Variants in ZBTB47 observed in about 807,000 individuals in gnomAD.
ZBTB47 encodes zinc finger and BTB domain containing 47.
Under a neutral mutation model 56.6 loss-of-function variants are expected in ZBTB47, and 24 were observed. That is an observed-to-expected ratio of 0.42 (90% CI 0.31 to 0.60). ZBTB47 has a LOEUF of 0.60. Among genes scored for constraint, ZBTB47 ranks in the 20% least tolerant of loss-of-function variants. The pLI is 0.14. For synonymous variants in ZBTB47, 414 were observed against 418.9 expected (o/e 0.99, Z 0.14); for missense variants, 829 against 1,032.6 (o/e 0.80, Z 2.70).
chr3:42,667,427 C>T lies in ZBTB47; in HGVS notation c.*2829C>T, dbSNP rs1259080946. ...GCCATAGTCTCCACGGTGCCCTTCA[C>T]AGAGGGCTTGGTAGTGGCAGAATGG... On this transcript the variant is annotated 3_prime_UTR_variant, in exon 6 of 6. Coordinates refer to ENST00000232974, the MANE Select transcript of ZBTB47 (RefSeq NM_145166.4). 6.6e-6 allele frequency among the ~76,000 whole-genome samples: 1 copy of T among 152,214 alleles called. No individual in the cohort carries two copies. The highest frequency in any genetic ancestry group is 1.5e-5 in the Non-Finnish European group (1 of 68,036).
chr3:42,660,437 G>A (rs1283209447), intron 2 of ZBTB47, among the ~76,000 whole-genome samples: 1 of 152,186 alleles, frequency 6.6e-6, no homozygotes, highest in Non-Finnish European at 1.5e-5. Flanking sequence ...AAAGGGATTG[G>A]GTGAGAAATT....
In ZBTB47 at chr3:42,666,109, TG is replaced by T. The variant is rs1299305928; in HGVS notation, c.*1515del. Among the ~76,000 whole-genome samples, 1 of 152,196 alleles carries T rather than the reference TG, an allele frequency of 6.6e-6. No individual in the cohort carries two copies. The highest frequency in any genetic ancestry group is 1.5e-5 in the Non-Finnish European group (1 of 68,010). On this transcript the variant is annotated 3_prime_UTR_variant, in exon 6 of 6. Coordinates refer to ENST00000232974, the MANE Select transcript of ZBTB47 (RefSeq NM_145166.4). ...GGCCCATGGCACTGGGGCAGGGAGC[TG>T]GGGACATTTTAATCATCAATAAACG...
In ZBTB47 at chr3:42,656,541, G is replaced by T. The variant is rs1292137292; in HGVS notation, c.-81-1734G>T. On this transcript the variant is annotated intron_variant, in intron 1 of 5. Transcript: ENST00000232974. This position sits in a 1 kb window ranked among gnomAD's most constrained non-coding sequence, Gnocchi z 5.8. ...AGCCTGGGACAGAGGGAGATGGATG[G>T]CTTCTTGGCTGGGGTAAGGGGTGTA... 6.6e-6 allele frequency among the ~76,000 whole-genome samples: 1 copy of T among 152,174 alleles called. No individual in the cohort carries two copies. The highest frequency in any genetic ancestry group is 6.5e-5 in the Admixed American group (1 of 15,284).
rs888636479 is a variant in ZBTB47 at position 42,665,140 on chromosome 3, G to C, written c.*542G>C. ...GAGGTGTAGACCCAGTCTGAGAGCC[G>C]CAAGCACTGAGGCAGGGCCTGAGAC... is the stretch of plus-strand genomic sequence containing the variant. On this transcript the variant is annotated 3_prime_UTR_variant, in exon 6 of 6. Coordinates refer to ENST00000232974, the MANE Select transcript of ZBTB47 (RefSeq NM_145166.4). 1 of 152,496 alleles carries C rather than the reference G, an allele frequency of 6.6e-6. No individual in the cohort carries two copies. The highest frequency in any genetic ancestry group is 1.5e-5 in the Non-Finnish European group (1 of 68,274). The allele number at this position is 152,496 out of a possible 1,614,324, so 9.4% of individuals were successfully genotyped here.
chr3:42,657,958 GTC>G (rs2125836572), intron 1 of ZBTB47, among the ~76,000 whole-genome samples: 1 of 152,288 alleles, frequency 6.6e-6, no homozygotes, highest in South Asian at 2.1e-4. Flanking sequence ...GGTCACTGTG[GTC>G]TCTCTTTCAT....
Position 42,663,141 on chromosome 3 carries a change from T to C in ZBTB47, c.1737+14T>C. 6.2e-7 allele frequency: 1 copy of C among 1,601,528 alleles called. No homozygotes were observed. The highest frequency in any genetic ancestry group is 8.6e-7 in the Non-Finnish European group (1 of 1,168,890). On this transcript the variant is annotated intron_variant, in intron 4 of 5. Coordinates refer to ENST00000232974, the MANE Select transcript of ZBTB47 (RefSeq NM_145166.4). This position sits in a 1 kb window ranked among gnomAD's most constrained non-coding sequence, Gnocchi z 5.1. Reference sequence around the variant, plus strand: ...TTCAGATGTGAGGTGAGCTTCCATCTCCTGCCTGGCCTGCCCGAGGGGTCA... The same window carrying C: ...TTCAGATGTGAGGTGAGCTTCCATCCCCTGCCTGGCCTGCCCGAGGGGTCA...
Position 42,654,820 on chromosome 3 carries a change from G to C in ZBTB47, c.-82+937G>C. On this transcript the variant is annotated intron_variant, in intron 1 of 5. Transcript: ENST00000232974. This position sits in a 1 kb window ranked among gnomAD's most constrained non-coding sequence, Gnocchi z 5.0. ...ATCTTCCCCCCTCCCCCGGTCTCCC[G>C]GCTCCATCTGCTGGGTCCCGCGGGC... The C allele has an allele frequency of 1.9e-6, 1 of 523,986 alleles. No homozygotes were observed. Among genetic ancestry groups the C allele is most frequent in the Non-Finnish European group, 2.5e-6 (1 of 407,992 alleles). The allele number at this position is 523,986 out of a possible 1,614,324, so 32.5% of individuals were successfully genotyped here. A position where few individuals can be genotyped will look rare whatever the true frequency, so the allele number is the denominator to read the frequency against.
intron 1 of ZBTB47, among the ~76,000 whole-genome samples, chr3:42,657,172 G>T (rs1710648719): frequency 6.6e-6 from 1 of 152,206 alleles, no homozygotes; most frequent in Admixed American, 6.5e-5. Context: ...TAGAGCCGGG[G>T]TGACTGAGTT....
Position 42,664,774 on chromosome 3 carries a change from GC to G in ZBTB47, c.*180del. 2 of 652,636 alleles carry G rather than the reference GC, an allele frequency of 3.1e-6. No individual in the cohort carries two copies. Among genetic ancestry groups the G allele is most frequent in the African/African-American group, 1.9e-5 (1 of 52,434 alleles). 40.4% of individuals were successfully genotyped at this position (652,636 alleles called of 1,614,324 possible). ...CGAGGAGGGGTATGCAGGCTGGCAG[GC>G]CCCAGAGCTGGTGGAGGGCATCTCA... On this transcript the variant is annotated 3_prime_UTR_variant, in exon 6 of 6. Coordinates refer to ENST00000232974, the MANE Select transcript of ZBTB47 (RefSeq NM_145166.4).
Position 42,663,886 on chromosome 3 carries a change from CGGCAA to C in ZBTB47, c.1830_1834del (p.Lys611LeufsTer9). 7 of 1,613,668 alleles carry C rather than the reference CGGCAA, an allele frequency of 4.3e-6. No homozygotes were observed. Among genetic ancestry groups the C allele is most frequent in the Non-Finnish European group, 5.9e-6 (7 of 1,179,866 alleles). ...ACAAGCAGTTCATGTGCCAATGGTG[CGGCAA>C]GGACTTCAACATGAAGCAGTACTTC... On this transcript the variant is annotated frameshift_variant, in exon 5 of 6. Transcript: ENST00000232974. LOFTEE classifies it high-confidence loss of function. This position sits in a 1 kb window ranked among gnomAD's most constrained non-coding sequence, Gnocchi z 5.1.
intron 3 of ZBTB47, among the ~76,000 whole-genome samples, chr3:42,662,148 G>T (rs1295131206): frequency 2.6e-5 from 4 of 152,118 alleles, no homozygotes. Context: ...TTTTGGCCAC[G>T]CCACTGCCCC....
Position 42,658,164 on chromosome 3 carries a change from C to T in ZBTB47, c.-81-111C>T, listed in dbSNP as rs146387337. 7,524 of 1,212,956 alleles carry T rather than the reference C, an allele frequency of 6.2e-3. 42 individuals are homozygous for T. Among genetic ancestry groups the T allele is most frequent in the Middle Eastern group, 0.029 (100 of 3,476 alleles). 75.1% of individuals were successfully genotyped at this position (1,212,956 alleles called of 1,614,324 possible). ...GCTCTGTTGCTGTAAAGTGGAGCCACGAGTGATGGGCTGCCTCCTGGATGG... is the reference window on the plus strand; with the variant it reads ...GCTCTGTTGCTGTAAAGTGGAGCCATGAGTGATGGGCTGCCTCCTGGATGG... On this transcript the variant is annotated intron_variant, in intron 1 of 5. Transcript: ENST00000232974.
intron 2 of ZBTB47, among the ~76,000 whole-genome samples, chr3:42,660,730 T>G (rs1710705413): frequency 1.3e-5 from 2 of 152,210 alleles, no homozygotes; most frequent in African/African-American, 2.4e-5. Flanking sequence ...TGTGTACCTG[T>G]GCCCACTTGC....
At position 42,658,647 on chromosome 3, in the gene ZBTB47, A is replaced by G; in HGVS notation, c.292A>G (p.Met98Val). Residue 98 changes from methionine to valine, a missense_variant, in exon 2 of 6, where the codon ATG (methionine) becomes GTG (valine). By Grantham distance (21) the Met-to-Val change is conservative. This residue lies in a region of ZBTB47 where 120 missense variants were observed against 200.2 expected (regional missense o/e 0.60). Transcript: ENST00000232974. ...GCTCAGCGCCGCCTCATTGCTGCAG[A>G]TGGCTGACATCGCTGCGTCCTGCCA... is the stretch of plus-strand genomic sequence containing the variant. Reference protein sequence around the residue: ...EVLSAASLLQMADIAASCQEL... With the variant: ...EVLSAASLLQVADIAASCQEL... The G allele has an allele frequency of 2.6e-6, 4 of 1,536,764 alleles. No individual in the cohort carries two copies. The highest frequency in any genetic ancestry group is 1.2e-5 in the South Asian group (1 of 84,060).
rs1274759161 is a variant in ZBTB47 at position 42,658,819 on chromosome 3, A to G, written c.464A>G (p.Tyr155Cys). Residue 155 changes from tyrosine (Y) to cysteine (C), a missense_variant, in exon 2 of 6, where the codon TAT (tyrosine) becomes TGT (cysteine). Coordinates refer to ENST00000232974, the MANE Select transcript of ZBTB47 (RefSeq NM_145166.4). ...GACACCCCAGGCCTGCCCAAGATCTATGCCCGCGAGGGCCCTGACCCTTAC... is the reference window on the plus strand; with the variant it reads ...GACACCCCAGGCCTGCCCAAGATCTGTGCCCGCGAGGGCCCTGACCCTTAC... ...EADTPGLPKI[Y>C]AREGPDPYSV... 21 of 1,533,862 alleles carry G rather than the reference A, an allele frequency of 1.4e-5. No homozygotes were observed. The highest frequency in any genetic ancestry group is 4.9e-5 in the East Asian group (2 of 40,884).
In ZBTB47 at chr3:42,664,622, C is replaced by T; in HGVS notation, c.*24C>T. The T allele has an allele frequency of 7.1e-7, 1 of 1,400,344 alleles. No homozygotes were observed. The highest frequency in any genetic ancestry group is 2.9e-5 in the East Asian group (1 of 34,438). 86.7% of individuals were successfully genotyped at this position (1,400,344 alleles called of 1,614,324 possible). Reference sequence around the variant, plus strand: ...AGCTGCCGAGCTGCACCCGTGCACCCGCTGGGGCCTGGAGTCAGGGCCCAC... The same window carrying T: ...AGCTGCCGAGCTGCACCCGTGCACCTGCTGGGGCCTGGAGTCAGGGCCCAC... On this transcript the variant is annotated 3_prime_UTR_variant, in exon 6 of 6. Transcript: ENST00000232974.
intron 3 of ZBTB47, among the ~76,000 whole-genome samples, chr3:42,661,884 G>A (rs558327580): frequency 8.5e-5 from 13 of 152,340 alleles, no homozygotes; most frequent in South Asian, 4.1e-4. Flanking sequence ...GGTGGGAACC[G>A]GAATCAAGCT....
chr3:42,667,329 C>T lies in ZBTB47; in HGVS notation c.*2731C>T, dbSNP rs886645608. On this transcript the variant is annotated 3_prime_UTR_variant, in exon 6 of 6. Coordinates refer to ENST00000232974, the MANE Select transcript of ZBTB47 (RefSeq NM_145166.4). ...GGCTCTCTGGTCTCAGGCCAGCTGGCGATGGGTGGCTAGAGTGATGAACTC... is the reference window on the plus strand; with the variant it reads ...GGCTCTCTGGTCTCAGGCCAGCTGGTGATGGGTGGCTAGAGTGATGAACTC... 3.9e-5 allele frequency among the ~76,000 whole-genome samples: 6 copies of T among 152,310 alleles called. No individual in the cohort carries two copies. The highest frequency in any genetic ancestry group is 7.3e-5 in the Non-Finnish European group (5 of 68,028).
chr3:42,661,250 C>T (rs1261421578), intron 2 of ZBTB47, among the ~76,000 whole-genome samples: 1 of 152,176 alleles, frequency 6.6e-6, no homozygotes, highest in East Asian at 1.9e-4. Flanking sequence ...GAAGAGGTGA[C>T]CCCTGACCCT....
Sources: gnomAD v4.1 joint callset for allele counts (sites outside exome capture counted in the v4.1 genomes callset) on GRCh38, gnomAD v4.1.1 for gene constraint, gnomAD v4.1.1 regional missense constraint, Gnocchi (gnomAD v3.1) non-coding constraint, MANE v1.5 for transcripts, NCBI Gene and HGNC (gene_info 2026-07-23, HGNC 2026-07-21) for gene names.